Variants in CDH12 observed in about 807,000 individuals in gnomAD.
CDH12 encodes cadherin 12, also known as cadherin-12.
In CDH12, 41 loss-of-function variants were observed where a neutral mutation model predicts 74.1. The observed-to-expected ratio is 0.55, with a 90% CI of 0.43 to 0.72. CDH12 has a LOEUF of 0.72. Ranked by LOEUF, CDH12 falls within the 30% of genes least tolerant of loss-of-function variation. The pLI is 0.00. For missense variants in CDH12, 945 were observed against 977.2 expected (o/e 0.97, Z 0.44); for synonymous variants, 399 against 355.0 (o/e 1.12, Z -1.39).
In CDH12 at chr5:22,331,324, G is replaced by T. The variant is rs559235308; in HGVS notation, c.-333+73933C>A. ...GCAGTCTCAGTGGTGGTAGCCACACGTGTGCTCGCATCACCACATCTCCAG... is the reference window on the plus strand; with the variant it reads ...GCAGTCTCAGTGGTGGTAGCCACACTTGTGCTCGCATCACCACATCTCCAG... On this transcript the variant is annotated intron_variant, in intron 3 of 14. Transcript: ENST00000382254. Among the ~76,000 whole-genome samples the T allele has an allele frequency of 1.6e-4, 25 of 152,278 alleles. No homozygotes were observed. The South Asian group carries it at 5.2e-3, about 32-fold the overall frequency.
At chr5:22,041,074 T>C (rs1248129988) in intron 5 of CDH12, among the ~76,000 whole-genome samples, 2 of 152,064 alleles carry the variant, frequency 1.3e-5, no homozygotes, top group African/African-American at 4.8e-5. Context: ...GGTAAAAGTC[T>C]AGAGTTTTTT....
chr5:22,161,796 G>T (rs1345321295), intron 4 of CDH12, among the ~76,000 whole-genome samples: 1 of 151,974 alleles, frequency 6.6e-6, no homozygotes, highest in Non-Finnish European at 1.5e-5. Context: ...AACTGCAGTT[G>T]GGAATTCAAT....
chr5:22,269,369 T>G (rs1226128014), intron 3 of CDH12, among the ~76,000 whole-genome samples: 1 of 152,118 alleles, frequency 6.6e-6, no homozygotes, highest in Non-Finnish European at 1.5e-5. Flanking sequence ...TCTATTCACG[T>G]TTTTATGCTA....
intron 4 of CDH12, among the ~76,000 whole-genome samples, chr5:22,123,085 C>T (rs1561135422): frequency 6.6e-6 from 1 of 152,084 alleles, no homozygotes; most frequent in Non-Finnish European, 1.5e-5. Context: ...TTTGTGTCTC[C>T]CCCAGAATTG....
chr5:22,265,235 T>C (rs1279165085), intron 3 of CDH12, among the ~76,000 whole-genome samples: 2 of 152,154 alleles, frequency 1.3e-5, no homozygotes, highest in African/African-American at 4.8e-5. Context: ...AGGAAAATTA[T>C]TTGTGGAAAA....
At chr5:22,508,923 G>C (rs1238290030) in intron 1 of CDH12, among the ~76,000 whole-genome samples, 2 of 151,964 alleles carry the variant, frequency 1.3e-5, no homozygotes, top group Non-Finnish European at 2.9e-5. Context: ...CACAGGCCAT[G>C]GTCACTCACA....
chr5:22,717,244 C>CT (rs545810890), intron 1 of CDH12, among the ~76,000 whole-genome samples: 4 of 151,072 alleles, frequency 2.6e-5, no homozygotes, highest in Admixed American at 2.6e-4. Context: ...ACAGGTGAAC[C>CT]TTTTTTTTTA....
chr5:21,832,765 A>G (rs1437242361), intron 8 of CDH12, among the ~76,000 whole-genome samples: 2 of 128,678 alleles, frequency 1.6e-5, no homozygotes, highest in Non-Finnish European at 3.1e-5. Flanking sequence ...CATATATATG[A>G]TATATATTAT....
At chr5:21,899,082 T>C (rs545470069) in intron 6 of CDH12, among the ~76,000 whole-genome samples, 1 of 152,220 alleles carries the variant, frequency 6.6e-6, no homozygotes, top group Non-Finnish European at 1.5e-5. Context: ...GGTTGTTCCC[T>C]CCTACCTTTT....
chr5:22,489,269 G>A (rs1323810603), intron 2 of CDH12, among the ~76,000 whole-genome samples: 1 of 151,344 alleles, frequency 6.6e-6, no homozygotes, highest in African/African-American at 2.4e-5. Context: ...GTGTTAGCCA[G>A]GATGGTCTCA....
At chr5:22,383,838 C>G (rs1454304207) in intron 3 of CDH12, among the ~76,000 whole-genome samples, 1 of 152,152 alleles carries the variant, frequency 6.6e-6, no homozygotes, top group Non-Finnish European at 1.5e-5. Context: ...CTCTCCCGCT[C>G]TCCCCCATTT....
chr5:22,100,875 A>C (rs1475195884), intron 4 of CDH12, among the ~76,000 whole-genome samples: 1 of 152,130 alleles, frequency 6.6e-6, no homozygotes, highest in Non-Finnish European at 1.5e-5. Flanking sequence ...TTCACTTATT[A>C]AAATGTTTTA....
chr5:22,816,386 C>T (rs1168416982), intron 1 of CDH12, among the ~76,000 whole-genome samples: 1 of 152,112 alleles, frequency 6.6e-6, no homozygotes, highest in Non-Finnish European at 1.5e-5. Flanking sequence ...CAAATTTCTT[C>T]CTGCATCTCT....
chr5:22,189,216 C>T (rs1293059152), intron 4 of CDH12, among the ~76,000 whole-genome samples: 9 of 152,154 alleles, frequency 5.9e-5, no homozygotes, highest in Admixed American at 2.6e-4. Flanking sequence ...ATGACACTGC[C>T]GATAAACAGT....
chr5:21,963,704 T>C (rs1362158932), intron 6 of CDH12, among the ~76,000 whole-genome samples: 1 of 152,146 alleles, frequency 6.6e-6, no homozygotes, highest in African/African-American at 2.4e-5. Context: ...TTTAGTCTGT[T>C]GGTAGAATTC....
At chr5:22,020,334 G>A (rs1350629127) in intron 5 of CDH12, among the ~76,000 whole-genome samples, 3 of 151,950 alleles carry the variant, frequency 2.0e-5, no homozygotes, top group South Asian at 4.2e-4. Flanking sequence ...CGGGCAGATC[G>A]CCTGAGGTCA....
At chr5:22,587,819 G>A (rs1236523680) in intron 1 of CDH12, among the ~76,000 whole-genome samples, 2 of 150,416 alleles carry the variant, frequency 1.3e-5, no homozygotes, top group African/African-American at 4.9e-5. Flanking sequence ...AGATACTAAA[G>A]CATTTTATAG....
At chr5:22,480,843 A>T (rs1746359640) in intron 2 of CDH12, among the ~76,000 whole-genome samples, 1 of 152,158 alleles carries the variant, frequency 6.6e-6, no homozygotes, top group Admixed American at 6.5e-5. Context: ...ATTCTTCATC[A>T]TTTCAAAAGA....
At chr5:22,058,649 A>G (rs944205185) in intron 5 of CDH12, among the ~76,000 whole-genome samples, 5 of 142,412 alleles carry the variant, frequency 3.5e-5, no homozygotes, top group Non-Finnish European at 4.5e-5. Flanking sequence ...TAATGTACAA[A>G]GAAGGAAGAG....
Sources: allele counts gnomAD v4.1 joint callset (sites outside exome capture counted in the v4.1 genomes callset), GRCh38; gene constraint gnomAD v4.1.1; transcripts MANE v1.5; gene names NCBI Gene and HGNC (gene_info 2026-07-23, HGNC 2026-07-21).